Variants in C1QTNF3 observed in about 807,000 individuals in gnomAD.
C1QTNF3 encodes the protein complement C1q tumor necrosis factor-related protein 3.
C1QTNF3 carries 26 observed loss-of-function variants against 32.6 expected under a neutral mutation model. The observed-to-expected ratio is 0.80, with a 90% CI of 0.58 to 1.11. The LOEUF is 1.11. Ranked by LOEUF, C1QTNF3 falls within the 50% of genes least tolerant of loss-of-function variation. The pLI, the probability that C1QTNF3 is intolerant of heterozygous loss-of-function variation, is 0.00. For synonymous variants in C1QTNF3, 155 were observed against 146.0 expected (o/e 1.06, Z -0.44); for missense variants, 362 against 398.2 (o/e 0.91, Z 0.77).
the C1QTNF3 span, among the ~76,000 whole-genome samples, chr5:34,052,370 C>T: frequency 6.6e-6 from 1 of 152,186 alleles, no homozygotes; most frequent in Non-Finnish European, 1.5e-5. Flanking sequence ...TCTCTTCTCA[C>T]TAGATCATCT....
chr5:34,023,005 GC>G (rs1388624136), intron 5 of C1QTNF3, among the ~76,000 whole-genome samples: 2 of 152,054 alleles, frequency 1.3e-5, no homozygotes, highest in Non-Finnish European at 2.9e-5. Flanking sequence ...ACAGGCGCCT[GC>G]CACCATGCCC....
At chr5:34,170,371 T>C in the C1QTNF3 span, among the ~76,000 whole-genome samples, 3 of 152,244 alleles carry the variant, frequency 2.0e-5, no homozygotes, top group East Asian at 5.8e-4. Context: ...ATAGTGCCAA[T>C]AGTTTATACT....
the C1QTNF3 span, among the ~76,000 whole-genome samples, chr5:34,081,845 C>T: frequency 1.3e-5 from 2 of 151,362 alleles, no homozygotes; most frequent in Non-Finnish European, 1.5e-5. Flanking sequence ...AGGAAGTACA[C>T]CTAAGTATTG....
chr5:34,197,025 C>G, the C1QTNF3 span, among the ~76,000 whole-genome samples: 2 of 152,310 alleles, frequency 1.3e-5, no homozygotes, highest in African/African-American at 2.4e-5. Flanking sequence ...AACACTACAG[C>G]TGTAGACAAT....
the C1QTNF3 span, among the ~76,000 whole-genome samples, chr5:34,083,353 C>T: frequency 6.6e-6 from 1 of 151,530 alleles, no homozygotes; most frequent in African/African-American, 2.4e-5. Flanking sequence ...AATACAACAC[C>T]TATTTTAATA....
the C1QTNF3 span, among the ~76,000 whole-genome samples, chr5:34,108,898 C>T: frequency 1.4e-5 from 2 of 147,590 alleles, no homozygotes; most frequent in Non-Finnish European, 3.0e-5. Flanking sequence ...TGAATAGTGG[C>T]TTCCTAAAGA....
At chr5:34,195,720 G>C in the C1QTNF3 span, among the ~76,000 whole-genome samples, 2 of 151,400 alleles carry the variant, frequency 1.3e-5, no homozygotes, top group African/African-American at 2.4e-5. Context: ...GGGCGCCTTA[G>C]TCCCAGCTAC....
At chr5:34,057,353 T>C in the C1QTNF3 span, among the ~76,000 whole-genome samples, 1 of 152,264 alleles carries the variant, frequency 6.6e-6, no homozygotes, top group Non-Finnish European at 1.5e-5. Context: ...AGTCACTTAC[T>C]ATGAATGTGT....
chr5:34,021,836 A>T (rs986762288), intron 5 of C1QTNF3, among the ~76,000 whole-genome samples: 2 of 152,194 alleles, frequency 1.3e-5, no homozygotes, highest in African/African-American at 4.8e-5. Context: ...AACCTAGATG[A>T]TGAGTTGATA....
At position 34,033,418 on chromosome 5, in the gene C1QTNF3, A is replaced by G. The variant is rs375595390; in HGVS notation, c.456T>C (p.His152=). The G allele has an allele frequency of 2.6e-4, 415 of 1,614,018 alleles. No individual in the cohort carries two copies. The highest frequency in any genetic ancestry group is 3.4e-4 in the Non-Finnish European group (399 of 1,180,020). ...CGCCCTTCTCACCTTTGGCTCCTTC[A>G]TGACCAGTGGCTCCATTGTTGCCAT... ...GNNGNNGATG[H]EGAKGEKGDK... The change falls in exon 3 of 6, where the codon CAT becomes CAC. Residue 152 remains histidine (H), a synonymous_variant. Transcript: ENST00000382065.
chr5:34,040,040 AAAG>A (rs1464547333), intron 1 of C1QTNF3, among the ~76,000 whole-genome samples: 1 of 152,178 alleles, frequency 6.6e-6, no homozygotes, highest in Non-Finnish European at 1.5e-5. Context: ...CTTGTCTTTC[AAAG>A]TTCAGTTGAA....
chr5:34,046,214 T>C (rs1579615427), upstream of C1QTNF3, among the ~76,000 whole-genome samples: 1 of 152,238 alleles, frequency 6.6e-6, no homozygotes, highest in African/African-American at 2.4e-5. Context: ...GTTTGTCCTG[T>C]AGAAGCCTCC....
At chr5:34,140,790 A>G in the C1QTNF3 span, among the ~76,000 whole-genome samples, 1 of 152,270 alleles carries the variant, frequency 6.6e-6, no homozygotes, top group Non-Finnish European at 1.5e-5. Context: ...TTTCAACTTC[A>G]TAGACTCAAA....
the C1QTNF3 span, among the ~76,000 whole-genome samples, chr5:34,146,637 C>A: frequency 6.6e-6 from 1 of 152,072 alleles, no homozygotes; most frequent in Non-Finnish European, 1.5e-5. Flanking sequence ...AATCTGGACC[C>A]CTAACTTTCA....
the C1QTNF3 span, among the ~76,000 whole-genome samples, chr5:34,178,107 A>G: frequency 3.5e-3 from 158 of 44,590 alleles, 1 homozygote; most frequent in South Asian, 9.7e-3. Flanking sequence ...TCTCTACTAA[A>G]AAAAAAAAAA....
intron 4 of C1QTNF3, among the ~76,000 whole-genome samples, chr5:34,028,026 G>GCT (rs1407777064): frequency 1.3e-5 from 2 of 152,106 alleles, no homozygotes; most frequent in Non-Finnish European, 2.9e-5. Context: ...AGGCTGGAGT[G>GCT]CAGTCGCGCG....
chr5:34,138,691 C>T, the C1QTNF3 span, among the ~76,000 whole-genome samples: 1 of 152,114 alleles, frequency 6.6e-6, no homozygotes. Context: ...TAATTACCCA[C>T]ACAGCTGAAT....
At chr5:34,024,084 G>T in intron 4 of C1QTNF3, 76 bp from the exon 5 acceptor site, 1 of 1,089,836 alleles carries the variant, frequency 9.2e-7, no homozygotes, top group Non-Finnish European at 1.4e-6. Context: ...CTGGAGATTT[G>T]CCAACTGCCT....
At chr5:34,038,591 C>T (rs530746996) in intron 1 of C1QTNF3, among the ~76,000 whole-genome samples, 1 of 152,150 alleles carries the variant, frequency 6.6e-6, no homozygotes, top group East Asian at 1.9e-4. Context: ...AGCATCTTTC[C>T]AAAAGAAATG....
Sources: allele counts gnomAD v4.1 joint callset (sites outside exome capture counted in the v4.1 genomes callset), GRCh38; gene constraint gnomAD v4.1.1; transcripts MANE v1.5; gene names NCBI Gene and HGNC (gene_info 2026-07-23, HGNC 2026-07-21).